The following PLPP3 variants were observed in gnomAD, a reference collection of about 807,000 sequenced individuals.
The protein encoded by PLPP3 is phospholipid phosphatase 3.
Under a neutral mutation model 29.6 loss-of-function variants are expected in PLPP3, and 6 were observed. The observed-to-expected ratio is 0.20, with a 90% CI of 0.11 to 0.40. The LOEUF is 0.40. PLPP3 is among the 10% of genes least tolerant of loss of function. PLPP3 has a pLI of 1.00. For missense variants in PLPP3, 308 were observed against 407.7 expected (o/e 0.76, Z 2.11); for synonymous variants, 152 against 159.7 (o/e 0.95, Z 0.36).
chr1:56,544,255 C>T (rs1364013501), intron 1 of PLPP3, among the ~76,000 whole-genome samples: 1 of 152,210 alleles, frequency 6.6e-6, no homozygotes, highest in Admixed American at 6.5e-5. Context: ...TAAAGGGTTG[C>T]CACATTCATC....
intron 1 of PLPP3, among the ~76,000 whole-genome samples, chr1:56,542,337 C>T (rs964269703): frequency 6.6e-6 from 1 of 152,162 alleles, no homozygotes; most frequent in Non-Finnish European, 1.5e-5. Context: ...CAAAGCCCTG[C>T]TCCCTGCAGC....
At chr1:56,557,011 AGAGAGAGAG>A (rs1646083691) in intron 1 of PLPP3, among the ~76,000 whole-genome samples, 2 of 15,972 alleles carry the variant, frequency 1.3e-4, no homozygotes, top group South Asian at 1.3e-3. Context: ...AGAAAGAAAG[AGAGAGAGAG>A]AGAGAAAGAG....
chr1:56,511,524 G>T (rs569136694), intron 5 of PLPP3, among the ~76,000 whole-genome samples: 2 of 152,094 alleles, frequency 1.3e-5, no homozygotes, highest in Non-Finnish European at 2.9e-5. Context: ...GTCCCATTGC[G>T]TACTGTGTCC....
At chr1:56,539,326 T>C (rs1005901962) in intron 1 of PLPP3, among the ~76,000 whole-genome samples, 1 of 152,220 alleles carries the variant, frequency 6.6e-6, no homozygotes, top group Admixed American at 6.5e-5. Flanking sequence ...AAAAGTACCA[T>C]GAACTCCACA....
At chr1:56,504,022 T>G (rs1024810165) in intron 5 of PLPP3, among the ~76,000 whole-genome samples, 1 of 152,128 alleles carries the variant, frequency 6.6e-6, no homozygotes, top group African/African-American at 2.4e-5. Flanking sequence ...TCCACCCACC[T>G]TGGCCTCCTA....
At chr1:56,565,391 G>C (rs896598330) in intron 1 of PLPP3, among the ~76,000 whole-genome samples, 1 of 151,932 alleles carries the variant, frequency 6.6e-6, no homozygotes, top group Non-Finnish European at 1.5e-5. Flanking sequence ...ACCACTGCCT[G>C]ATGTGAATGA....
intron 2 of PLPP3, among the ~76,000 whole-genome samples, chr1:56,527,789 G>T (rs1243240746): frequency 2.0e-5 from 3 of 152,110 alleles, no homozygotes; most frequent in South Asian, 4.1e-4. Flanking sequence ...TCTATTTAAT[G>T]AAATTTGGGT....
chr1:56,561,989 C>T (rs763384298), intron 1 of PLPP3, among the ~76,000 whole-genome samples: 15 of 117,630 alleles, frequency 1.3e-4, no homozygotes, highest in African/African-American at 1.6e-4. Context: ...GAGCCAAGAT[C>T]GTACCATTGT....
At position 56,557,026 on chromosome 1, in the gene PLPP3, A is replaced by AGAGAAAGAAAGAGAGAG. The variant is rs1646085318; in HGVS notation, c.140-19915_140-19914insCTCTCTCTTTCTTTCTC. 2.1e-4 allele frequency among the ~76,000 whole-genome samples: 2 copies of AGAGAAAGAAAGAGAGAG among 9,530 alleles called. 1 individual carries two copies. The highest frequency in any genetic ancestry group is 5.0e-4 in the African/African-American group (2 of 4,034). The allele number at this position is 9,530 out of a possible 152,430, so 6.3% of individuals were successfully genotyped here. A position where few individuals can be genotyped will look rare whatever the true frequency, so the allele number is the denominator to read the frequency against. ...AGAAAGAAAGAGAGAGAGAGAGAGA[A>AGAGAAAGAAAGAGAGAG]AGAGAGAGAGAGAGAGAGAGAGAGA... is the stretch of plus-strand genomic sequence containing the variant. On this transcript the variant is annotated intron_variant, in intron 1 of 5. Transcript: ENST00000371250.
intron 5 of PLPP3, among the ~76,000 whole-genome samples, chr1:56,498,868 A>G (rs575641764): frequency 6.6e-6 from 1 of 152,250 alleles, no homozygotes; most frequent in Admixed American, 6.5e-5. Flanking sequence ...TCCTGACCTC[A>G]TGATCCGCCT....
chr1:56,555,614 C>G (rs978012008), intron 1 of PLPP3, among the ~76,000 whole-genome samples: 1 of 152,026 alleles, frequency 6.6e-6, no homozygotes, highest in African/African-American at 2.4e-5. Context: ...CTCTAGGTCA[C>G]TGTGTCCCTG....
At chr1:56,544,828 A>G (rs1299453924) in intron 1 of PLPP3, among the ~76,000 whole-genome samples, 1 of 152,210 alleles carries the variant, frequency 6.6e-6, no homozygotes, top group Admixed American at 6.5e-5. Flanking sequence ...TCCTCTTTAG[A>G]TGTTAAGATG....
chr1:56,553,180 T>C (rs111350462), intron 1 of PLPP3, among the ~76,000 whole-genome samples: 4,302 of 152,240 alleles, frequency 0.028, 68 homozygotes, highest in South Asian at 0.095. Flanking sequence ...AAAAATATGA[T>C]TCATGTGTGT....
chr1:56,513,111 G>C (rs2100234262), intron 4 of PLPP3: 1 of 152,428 alleles, frequency 6.6e-6, no homozygotes, highest in Admixed American at 6.5e-5. Flanking sequence ...AAACCAACGA[G>C]ACAATGCCAG....
intron 2 of PLPP3, among the ~76,000 whole-genome samples, chr1:56,529,836 G>A (rs17114067): frequency 0.021 from 3,230 of 152,138 alleles, 117 homozygotes; most frequent in African/African-American, 0.074. Context: ...TATAATTTCT[G>A]GGCTTTATGG....
intron 1 of PLPP3, among the ~76,000 whole-genome samples, chr1:56,565,320 A>T (rs551030046): frequency 6.6e-6 from 1 of 152,302 alleles, no homozygotes; most frequent in African/African-American, 2.4e-5. Flanking sequence ...GTTACACCAA[A>T]CCACAAGGAC....
At chr1:56,523,679 G>A (rs912178225) in intron 4 of PLPP3, 144 bp downstream of exon 4, 3 of 878,408 alleles carry the variant, frequency 3.4e-6, no homozygotes, top group Middle Eastern at 2.2e-4. Context: ...GCAGCGCTCA[G>A]AATTAAACCT....
chr1:56,570,715 A>G (rs997949595), intron 1 of PLPP3, among the ~76,000 whole-genome samples: 2 of 152,154 alleles, frequency 1.3e-5, no homozygotes, highest in Non-Finnish European at 1.5e-5. Flanking sequence ...GGGAATAAGG[A>G]GAGTTTGTTG....
intron 1 of PLPP3, among the ~76,000 whole-genome samples, chr1:56,537,634 C>T (rs1369947693): frequency 6.6e-6 from 1 of 152,042 alleles, no homozygotes; most frequent in Non-Finnish European, 1.5e-5. Context: ...TCCCTGAGTC[C>T]CAGTTTTTTC....
Sources: gnomAD v4.1 joint callset for allele counts (sites outside exome capture counted in the v4.1 genomes callset) on GRCh38, gnomAD v4.1.1 for gene constraint, MANE v1.5 for transcripts, NCBI Gene and HGNC (gene_info 2026-07-23, HGNC 2026-07-21) for gene names.